Variants in LGALSL observed in about 807,000 individuals in gnomAD.
The protein encoded by LGALSL is galectin-related protein.
A neutral mutation model predicts 19.5 loss-of-function variants in LGALSL; 13 were observed. The observed-to-expected ratio is 0.67, with a 90% CI of 0.43 to 1.06. The LOEUF (loss-of-function observed/expected upper bound fraction) is 1.06. Ranked by LOEUF, LGALSL falls within the 50% of genes least tolerant of loss-of-function variation. The pLI is 0.00. For missense variants in LGALSL, 189 were observed against 219.3 expected (o/e 0.86, Z 0.87); for synonymous variants, 86 against 78.3 (o/e 1.10, Z -0.52).
rs1686811224 is a variant in LGALSL at position 64,460,625 on chromosome 2, G to T, written c.*2197G>T. 1 of 152,214 alleles carries T rather than the reference G, an allele frequency of 6.6e-6. No individual in the cohort carries two copies. The highest frequency in any genetic ancestry group is 2.4e-5 in the African/African-American group (1 of 41,454). The allele number at this position is 152,214 out of a possible 1,614,324, so 9.4% of individuals were successfully genotyped here. On this transcript the variant is annotated 3_prime_UTR_variant, in exon 5 of 5. Coordinates refer to ENST00000238875, the MANE Select transcript of LGALSL (RefSeq NM_014181.3). ...TACAATGTTAACTGTTTGTTTCTCT[G>T]TGAGGTTAGTGGGAACCGCTTGGAT...
At position 64,461,093 on chromosome 2, in the gene LGALSL, A is replaced by C. The variant is rs1444050466; in HGVS notation, c.*2665A>C. On this transcript the variant is annotated 3_prime_UTR_variant, in exon 5 of 5. Transcript: ENST00000238875. ...TTCAAATCTTGCCGACCTTAGTTCA[A>C]AGCCCCCTGAGAGATCACTTTTAGA... The C allele has an allele frequency of 6.6e-6, 1 of 152,226 alleles. No individual in the cohort carries two copies. Among genetic ancestry groups the C allele is most frequent in the Non-Finnish European group, 1.5e-5 (1 of 68,038 alleles). The allele number at this position is 152,226 out of a possible 1,614,324, so 9.4% of individuals were successfully genotyped here.
chr2:64,455,751 C>G, intron 3 of LGALSL, 74 bp downstream of exon 3: 1 of 1,060,302 alleles, frequency 9.4e-7, no homozygotes, highest in African/African-American at 1.6e-5. Flanking sequence ...TGTGGTTTAG[C>G]ACTCCTCTTC....
intron 3 of LGALSL, 148 bp from the exon 4 acceptor site, chr2:64,456,140 T>G (rs1352784189): frequency 1.5e-5 from 9 of 619,558 alleles, no homozygotes; most frequent in African/African-American, 1.9e-5. Context: ...TGGTTTGACT[T>G]ACTTCTCCAT....
chr2:64,455,456 C>G, intron 2 of LGALSL, 41 bp downstream of exon 2: 1 of 1,549,108 alleles, frequency 6.5e-7, no homozygotes, highest in Non-Finnish European at 8.9e-7. Flanking sequence ...TACCTTCCTC[C>G]TTTCTCATTG....
At position 64,459,235 on chromosome 2, in the gene LGALSL, A is replaced by G. The variant is rs1056386818; in HGVS notation, c.*807A>G. The G allele has an allele frequency of 3.3e-5, 5 of 152,146 alleles. No homozygotes were observed. The highest frequency in any genetic ancestry group is 5.9e-5 in the Non-Finnish European group (4 of 68,018). The allele number at this position is 152,146 out of a possible 1,614,324, so 9.4% of individuals were successfully genotyped here. A position where few individuals can be genotyped will look rare whatever the true frequency, so the allele number is the denominator to read the frequency against. On this transcript the variant is annotated 3_prime_UTR_variant, in exon 5 of 5. Transcript: ENST00000238875. ...GTTATTGTTGGTTATGTAAAATTCT[A>G]TTTACATTGCTTTTTCTCCTTACTG... is the stretch of plus-strand genomic sequence containing the variant.
intron 3 of LGALSL, among the ~76,000 whole-genome samples, 190 bp downstream of exon 3, chr2:64,455,867 T>G (rs1483118225): frequency 1.3e-5 from 2 of 152,082 alleles, no homozygotes; most frequent in South Asian, 4.1e-4. Flanking sequence ...GACAGCTATT[T>G]ATATCAGAGA....
intron 3 of LGALSL, among the ~76,000 whole-genome samples, chr2:64,456,052 C>T (rs1301312848): frequency 1.3e-5 from 2 of 151,708 alleles, no homozygotes; most frequent in African/African-American, 2.4e-5. Context: ...TTGAGAATTC[C>T]GAAGTGGAAT....
chr2:64,458,310 G>A lies in LGALSL; in HGVS notation c.401G>A (p.Arg134His), dbSNP rs1454419674. 8.1e-6 allele frequency: 13 copies of A among 1,613,702 alleles called. No homozygotes were observed. The highest frequency in any genetic ancestry group is 1.0e-5 in the Non-Finnish European group (12 of 1,179,830). The change falls in exon 5 of 5, where the codon CGT (arginine) becomes CAT (histidine). Residue 134 changes from arginine to histidine, a missense_variant. Transcript: ENST00000238875. ...FRVEILCEHP[R>H]FRVFVDGHQL... ...GTGGAAATTCTTTGTGAGCACCCACGTTTCCGAGTGTTTGTGGATGGACAC... is the reference window on the plus strand; with the variant it reads ...GTGGAAATTCTTTGTGAGCACCCACATTTCCGAGTGTTTGTGGATGGACAC...
intron 3 of LGALSL, 135 bp downstream of exon 3, chr2:64,455,812 T>G (rs2103706792): frequency 1.4e-6 from 1 of 694,734 alleles, no homozygotes; most frequent in South Asian, 1.6e-5. Context: ...AAGTACCATG[T>G]TCCCATGAAA....
chr2:64,454,421 C>CGGG lies in LGALSL; in HGVS notation c.-125_-124insGGG. 2.5e-6 allele frequency: 1 copy of CGGG among 400,726 alleles called. No homozygotes were observed. Among genetic ancestry groups the CGGG allele is most frequent in the Non-Finnish European group, 4.1e-6 (1 of 245,818 alleles). 24.8% of individuals were successfully genotyped at this position (400,726 alleles called of 1,614,324 possible). On this transcript the variant is annotated 5_prime_UTR_variant, in exon 1 of 5. Transcript: ENST00000238875. This position sits in a 1 kb window ranked among gnomAD's most constrained non-coding sequence, Gnocchi z 5.1. ...GCCCCGGGCGCGCGCGCGCGCGCCC[C>CGGG]CTCGTGTGTGCGCGCGCCCGCCGCC...
At chr2:64,457,448 CAAG>C (rs1240975835) in intron 4 of LGALSL, among the ~76,000 whole-genome samples, 2 of 151,780 alleles carry the variant, frequency 1.3e-5, no homozygotes, top group Non-Finnish European at 2.9e-5. Flanking sequence ...AAGGGAAATG[CAAG>C]TAGTAATGGT....
At position 64,455,371 on chromosome 2, in the gene LGALSL, T is replaced by C. The variant is rs1190953475; in HGVS notation, c.64T>C (p.Ser22Pro). The change falls in exon 2 of 5, where the codon TCT (serine) becomes CCT (proline). Residue 22 changes from serine (S) to proline (P), a missense_variant. Physicochemically the swap from Ser to Pro is moderately conservative, Grantham distance 74 (BLOSUM62 -1). Transcript: ENST00000238875. ...ACTAGATGATGGCCATTTAAACAAC[T>C]CTTTGAGCTCTCCAGTTCAAGCGGA... ...VKLDDGHLNN[S>P]LSSPVQADVY... The C allele has an allele frequency of 5.0e-6, 8 of 1,613,774 alleles. No individual in the cohort carries two copies. The highest frequency in any genetic ancestry group is 4.5e-5 in the East Asian group (2 of 44,904).
Position 64,454,491 on chromosome 2 carries a change from C to T in LGALSL, c.-55C>T. 2.4e-6 allele frequency: 3 copies of T among 1,254,518 alleles called. No individual in the cohort carries two copies. Among genetic ancestry groups the T allele is most frequent in the Non-Finnish European group, 3.1e-6 (3 of 975,710 alleles). 77.7% of individuals were successfully genotyped at this position (1,254,518 alleles called of 1,614,324 possible). On this transcript the variant is annotated 5_prime_UTR_variant, in exon 1 of 5. Coordinates refer to ENST00000238875, the MANE Select transcript of LGALSL (RefSeq NM_014181.3). The surrounding 1 kb of genome is among the most constrained non-coding windows in gnomAD (Gnocchi z 5.1). The stretch of plus-strand genomic sequence containing the variant: ...GCCCCCGCCCCGCGCAGGACAGCCC[C>T]GGGATCCCCGCCCGCGCGCCGCGTC...
In LGALSL at chr2:64,461,265, A is replaced by AT. The variant is rs1464914485; in HGVS notation, c.*2841dup. 6.6e-6 allele frequency: 1 copy of AT among 152,200 alleles called. No homozygotes were observed. Among genetic ancestry groups the AT allele is most frequent in the Non-Finnish European group, 1.5e-5 (1 of 68,036 alleles). The allele number at this position is 152,200 out of a possible 1,614,324, so 9.4% of individuals were successfully genotyped here. ...AGAAATAATGTTCCTATGATGACATATTTTCAAAGAAACACTTTCTTATTT... is the reference window on the plus strand; with the variant it reads ...AGAAATAATGTTCCTATGATGACATATTTTTCAAAGAAACACTTTCTTATTT... On this transcript the variant is annotated 3_prime_UTR_variant, in exon 5 of 5. Transcript: ENST00000238875.
rs1193352500 is a variant in LGALSL at position 64,460,114 on chromosome 2, TAAACTA to T, written c.*1690_*1695del. ...AGTGTTTCAGTACCAAAGTCTAAAA[TAAACTA>T]AAATTATGAATTTTTTATAGGTGAT... On this transcript the variant is annotated 3_prime_UTR_variant, in exon 5 of 5. Coordinates refer to ENST00000238875, the MANE Select transcript of LGALSL (RefSeq NM_014181.3). The T allele has an allele frequency of 2.0e-5, 3 of 151,752 alleles. No individual in the cohort carries two copies. Among genetic ancestry groups the T allele is most frequent in the Admixed American group, 6.6e-5 (1 of 15,226 alleles). 9.4% of individuals were successfully genotyped at this position (151,752 alleles called of 1,614,324 possible).
chr2:64,458,580 G>T lies in LGALSL; in HGVS notation c.*152G>T. 1 of 686,522 alleles carries T rather than the reference G, an allele frequency of 1.5e-6. No individual in the cohort carries two copies. The highest frequency in any genetic ancestry group is 2.4e-6 in the Non-Finnish European group (1 of 422,924). The allele number at this position is 686,522 out of a possible 1,614,324, so 42.5% of individuals were successfully genotyped here. A position where few individuals can be genotyped will look rare whatever the true frequency, so the allele number is the denominator to read the frequency against. On this transcript the variant is annotated 3_prime_UTR_variant, in exon 5 of 5. Coordinates refer to ENST00000238875, the MANE Select transcript of LGALSL (RefSeq NM_014181.3). ...AGGGTGGTTTGCCCTTAAGAAGAAA[G>T]CTGTTGGGACAAAGACACCGAGCCA... is the stretch of plus-strand genomic sequence containing the variant.
rs1271326469 is a variant in LGALSL, at chr2:64,459,348, C to G, written c.*920C>G. On this transcript the variant is annotated 3_prime_UTR_variant, in exon 5 of 5. Coordinates refer to ENST00000238875, the MANE Select transcript of LGALSL (RefSeq NM_014181.3). ...TCATTAAGTTGTTATTAATCAAAAACACAAAGAGGTGATTGCTTAGACAAT... is the reference window on the plus strand; with the variant it reads ...TCATTAAGTTGTTATTAATCAAAAAGACAAAGAGGTGATTGCTTAGACAAT... 1 of 152,122 alleles carries G rather than the reference C, an allele frequency of 6.6e-6. No individual in the cohort carries two copies. The highest frequency in any genetic ancestry group is 2.4e-5 in the African/African-American group (1 of 41,430). The allele number at this position is 152,122 out of a possible 1,614,324, so 9.4% of individuals were successfully genotyped here.
At chr2:64,455,859 C>T (rs940428972) in intron 3 of LGALSL, among the ~76,000 whole-genome samples, 182 bp downstream of exon 3, 1 of 152,004 alleles carries the variant, frequency 6.6e-6, no homozygotes, top group Non-Finnish European at 1.5e-5. Flanking sequence ...TTTCTCCAGA[C>T]AGCTATTTAT....
Position 64,461,338 on chromosome 2 carries a change from T to G in LGALSL, c.*2910T>G, listed in dbSNP as rs1686822150. On this transcript the variant is annotated 3_prime_UTR_variant, in exon 5 of 5. Coordinates refer to ENST00000238875, the MANE Select transcript of LGALSL (RefSeq NM_014181.3). ...TAAATGTGTTGTTACATTATGTCAC[T>G]GCTGAAAGTAATTTGCACTATAATA... is the stretch of plus-strand genomic sequence containing the variant. 6.6e-6 allele frequency: 1 copy of G among 152,256 alleles called. No individual in the cohort carries two copies. Among genetic ancestry groups the G allele is most frequent in the Non-Finnish European group, 1.5e-5 (1 of 68,040 alleles). 9.4% of individuals were successfully genotyped at this position (152,256 alleles called of 1,614,324 possible). A position where few individuals can be genotyped will look rare whatever the true frequency, so the allele number is the denominator to read the frequency against.
Sources: gnomAD v4.1 joint callset for allele counts (sites outside exome capture counted in the v4.1 genomes callset) on GRCh38, gnomAD v4.1.1 for gene constraint, Gnocchi (gnomAD v3.1) non-coding constraint, MANE v1.5 for transcripts, NCBI Gene and HGNC (gene_info 2026-07-23, HGNC 2026-07-21) for gene names.